GLS: variants seen among roughly 807,000 people sequenced by gnomAD.
GLS encodes the protein glutaminase kidney isoform, mitochondrial.
In GLS, 36 loss-of-function variants were observed where a neutral mutation model predicts 86.7. The observed-to-expected ratio is 0.42, with a 90% confidence interval of 0.32 to 0.55. The LOEUF is 0.55. Ranked by LOEUF, GLS falls within the 20% of genes least tolerant of loss-of-function variation. The pLI, the probability that GLS is intolerant of heterozygous loss-of-function variation, is 0.17. For synonymous variants in GLS, 317 were observed against 305.9 expected (o/e 1.04, Z -0.38); for missense variants, 528 against 833.4 (o/e 0.63, Z 4.51).
At chr2:190,888,384 T>C (rs1688457351) in intron 1 of GLS, among the ~76,000 whole-genome samples, 2 of 152,356 alleles carry the variant, frequency 1.3e-5, no homozygotes, top group Admixed American at 6.5e-5. Context: ...CATATTTCTC[T>C]GCCATATTAA....
chr2:190,913,300 A>C lies in GLS; in HGVS notation c.1038+2979A>C. 7.8e-7 allele frequency: 1 copy of C among 1,280,094 alleles called. No individual in the cohort carries two copies. The allele number at this position is 1,280,094 out of a possible 1,614,324, so 79.3% of individuals were successfully genotyped here. ...TTTGGACAGAAGGAGCCTGTTGCAT[A>C]AATTCTTAACTACTAAGCTTATAGG... On this transcript the variant is annotated intron_variant, in intron 7 of 17. Coordinates refer to ENST00000320717, the MANE Select transcript of GLS (RefSeq NM_014905.5). The surrounding 1 kb of genome is among the most constrained non-coding windows in gnomAD (Gnocchi z 6.1).
chr2:190,934,225 A>G (rs1690198222), intron 14 of GLS: 2 of 962,656 alleles, frequency 2.1e-6, no homozygotes, highest in Admixed American at 6.2e-5. Flanking sequence ...GTAAAAGTAA[A>G]TATAGTGTAG....
At chr2:190,932,595 A>AGAG (rs1690144156) in intron 14 of GLS, 1 of 654,682 alleles carries the variant, frequency 1.5e-6, no homozygotes, top group Admixed American at 4.1e-5. Context: ...GCAAAATGTC[A>AGAG]GAGGTGGTGG....
At chr2:190,932,776 G>A (rs1354701800) in intron 14 of GLS, 3 of 1,604,438 alleles carry the variant, frequency 1.9e-6, no homozygotes, top group Non-Finnish European at 2.6e-6. Context: ...AAAAGAGACA[G>A]TATGGAAAAA....
At chr2:190,894,912 T>A (rs942685713) in intron 1 of GLS, among the ~76,000 whole-genome samples, 17 of 151,658 alleles carry the variant, frequency 1.1e-4, no homozygotes, top group Middle Eastern at 3.2e-3. Context: ...GAGTTGATGA[T>A]CAGGGTTTCA....
chr2:190,940,140 A>G (rs2124930157), intron 14 of GLS, among the ~76,000 whole-genome samples: 1 of 152,072 alleles, frequency 6.6e-6, no homozygotes, highest in Non-Finnish European at 1.5e-5. Context: ...CTTCTTCAGT[A>G]TAATATAGCT....
At chr2:190,900,064 A>T (rs1410954295) in intron 3 of GLS, among the ~76,000 whole-genome samples, 1 of 152,166 alleles carries the variant, frequency 6.6e-6, no homozygotes, top group East Asian at 1.9e-4. Context: ...AATTAATCTG[A>T]CTAAACAAAG....
At chr2:190,941,689 G>T (rs951352364) in intron 14 of GLS, among the ~76,000 whole-genome samples, 2 of 150,620 alleles carry the variant, frequency 1.3e-5, no homozygotes, top group Non-Finnish European at 3.0e-5. Flanking sequence ...TGACTTGAAG[G>T]CCCCAGAACA....
rs1690242283 is a variant in GLS, at chr2:190,935,357, A to G, written c.1650+3720A>G. The G allele has an allele frequency of 5.5e-6, 1 of 182,030 alleles. No homozygotes were observed. The highest frequency in any genetic ancestry group is 2.4e-5 in the African/African-American group (1 of 42,000). 11.3% of individuals were successfully genotyped at this position (182,030 alleles called of 1,614,324 possible). On this transcript the variant is annotated intron_variant, in intron 14 of 17. Transcript: ENST00000320717. This position sits in a 1 kb window ranked among gnomAD's most constrained non-coding sequence, Gnocchi z 4.2. ...AGCAACTTCAACATTTTAAGTACAAATACAGTTGGGATTTTAACTTAGAAA... is the reference window on the plus strand; with the variant it reads ...AGCAACTTCAACATTTTAAGTACAAGTACAGTTGGGATTTTAACTTAGAAA...
rs534642064 is a variant in GLS, at chr2:190,929,757, A to ACC, written c.1426-679_1426-678dup. ...AGTGCTGGGATTACAGGCATGAGCC[A>ACC]CCGCACCCGGCCTTATAACTTTATT... On this transcript the variant is annotated intron_variant, in intron 12 of 17. Coordinates refer to ENST00000320717, the MANE Select transcript of GLS (RefSeq NM_014905.5). Among the ~76,000 whole-genome samples the ACC allele has an allele frequency of 5.6e-3, 846 of 152,226 alleles. 4 individuals are homozygous for ACC. Among genetic ancestry groups the ACC allele is most frequent in the Non-Finnish European group, 9.3e-3 (632 of 68,012 alleles).
At chr2:190,901,709 G>A (rs559864761) in intron 4 of GLS, among the ~76,000 whole-genome samples, 1 of 151,594 alleles carries the variant, frequency 6.6e-6, no homozygotes, top group South Asian at 2.1e-4. Flanking sequence ...AGAATGCATT[G>A]GAAAATAAGA....
chr2:190,934,442 G>T, intron 14 of GLS: 2 of 957,172 alleles, frequency 2.1e-6, no homozygotes, highest in Non-Finnish European at 1.2e-6. Context: ...TTTTCCCAAG[G>T]ATTTTATGCT....
chr2:190,934,694 G>A (rs1035342197), intron 14 of GLS: 8 of 960,500 alleles, frequency 8.3e-6, no homozygotes, highest in South Asian at 4.8e-5. Context: ...TTTTCATATC[G>A]TATACATAGC....
At chr2:190,922,679 C>T (rs1472966607) in intron 9 of GLS, among the ~76,000 whole-genome samples, 1 of 151,988 alleles carries the variant, frequency 6.6e-6, no homozygotes, top group East Asian at 1.9e-4. Flanking sequence ...ACTAGTTAGT[C>T]ATTTATCTAA....
At chr2:190,940,118 G>A (rs1690382564) in intron 14 of GLS, among the ~76,000 whole-genome samples, 2 of 151,794 alleles carry the variant, frequency 1.3e-5, no homozygotes. Context: ...AAATGTAAAA[G>A]TCCAAATTTC....
In GLS at chr2:190,895,759, T is replaced by TGCTATGCTATACGGTGATTC. The variant is rs772727446; in HGVS notation, c.605+35_605+54dup. 5.8e-6 allele frequency: 9 copies of TGCTATGCTATACGGTGATTC among 1,559,282 alleles called. No individual in the cohort carries two copies. Among genetic ancestry groups the TGCTATGCTATACGGTGATTC allele is most frequent in the Non-Finnish European group, 7.9e-6 (9 of 1,142,688 alleles). The stretch of plus-strand genomic sequence containing the variant: ...TTCTGCCAAACCTTTAATGGTGATT[T>TGCTATGCTATACGGTGATTC]GCTATGCTATACGGTGATTCTGCTT... On this transcript the variant is annotated intron_variant, in intron 3 of 17. Transcript: ENST00000320717. This position sits in a 1 kb window ranked among gnomAD's most constrained non-coding sequence, Gnocchi z 4.2.
At position 190,953,473 on chromosome 2, in the gene GLS, T is replaced by C; in HGVS notation, c.1651-92T>C. ...TTTGCACGTGACTCAGCTGAAGTGT[T>C]CAAAGCACATGGAAATCACTTGCCA... On this transcript the variant is annotated intron_variant, in intron 14 of 17. Transcript: ENST00000320717. This position sits in a 1 kb window ranked among gnomAD's most constrained non-coding sequence, Gnocchi z 4.0. 1 of 886,662 alleles carries C rather than the reference T, an allele frequency of 1.1e-6. No individual in the cohort carries two copies. The allele number at this position is 886,662 out of a possible 1,614,324, so 54.9% of individuals were successfully genotyped here.
intron 5 of GLS, among the ~76,000 whole-genome samples, chr2:190,902,961 C>T (rs1217138123): frequency 6.6e-6 from 1 of 152,062 alleles, no homozygotes; most frequent in African/African-American, 2.4e-5. Context: ...ACCTAAATTT[C>T]GTTAAAACTA....
intron 3 of GLS, among the ~76,000 whole-genome samples, chr2:190,899,549 AAAC>A (rs757467748): frequency 6.6e-6 from 1 of 152,154 alleles, no homozygotes; most frequent in Non-Finnish European, 1.5e-5. Context: ...ATTACAGACT[AAAC>A]AAGAAATACT....
Sources: allele counts gnomAD v4.1 joint callset (sites outside exome capture counted in the v4.1 genomes callset), GRCh38; gene constraint gnomAD v4.1.1; non-coding constraint Gnocchi (gnomAD v3.1); transcripts MANE v1.5; gene names NCBI Gene and HGNC (gene_info 2026-07-23, HGNC 2026-07-21).